The following CRNKL1 variants were observed in gnomAD, a reference collection of about 807,000 sequenced individuals.
The protein encoded by CRNKL1 is crooked neck-like protein 1.
CRNKL1 carries 35 observed loss-of-function variants against 103.7 expected under a neutral mutation model. The observed-to-expected ratio is 0.34, with a 90% CI of 0.26 to 0.45. The LOEUF is 0.45. CRNKL1 is among the 20% of genes least tolerant of loss of function. CRNKL1 has a pLI of 1.00. For missense variants in CRNKL1, 645 were observed against 836.0 expected (o/e 0.77, Z 2.82); for synonymous variants, 267 against 282.6 (o/e 0.94, Z 0.55).
At chr20:20,042,542 TAAAAAAC>T in intron 7 of CRNKL1, 26 bp from the exon 8 acceptor site, 1 of 1,579,674 alleles carries the variant, frequency 6.3e-7, no homozygotes, top group Non-Finnish European at 8.6e-7. Flanking sequence ...GTTTAATAAA[TAAAAAAC>T]AAAACCAAGA....
At chr20:20,052,710 G>T, upstream of CRNKL1, 3 of 1,609,562 alleles carry the variant, frequency 1.9e-6, no homozygotes, top group Non-Finnish European at 2.5e-6. Flanking sequence ...TGGCTCTGTC[G>T]AGCCGTGGCG....
rs201597770 is a variant in CRNKL1 at position 20,039,794 on chromosome 20, A to C, written c.1360T>G (p.Leu454Val). 5.6e-6 allele frequency: 9 copies of C among 1,613,992 alleles called. No homozygotes were observed. The highest frequency in any genetic ancestry group is 6.8e-6 in the Non-Finnish European group (8 of 1,179,986). Residue 454 changes from leucine (L) to valine (V), a missense_variant, in exon 11 of 14, where the codon TTG becomes GTG. Physicochemically the swap from Leu to Val is conservative, Grantham distance 32 (BLOSUM62 1). This residue lies in a region of CRNKL1 where 582 missense variants were observed against 707.7 expected (regional missense o/e 0.82). Transcript: ENST00000536226. ...TCAAATTCTCGAAGCTGTAGCTCCAATTCTATGTAAACTTTAAATAATTTG... is the reference window on the plus strand; with the variant it reads ...TCAAATTCTCGAAGCTGTAGCTCCACTTCTATGTAAACTTTAAATAATTTG... ...KNKLFKVYIE[L>V]ELQLREFDRC...
intron 5 of CRNKL1, among the ~76,000 whole-genome samples, chr20:20,047,315 A>G (rs952312250): frequency 1.5e-4 from 23 of 152,250 alleles, no homozygotes; most frequent in Admixed American, 5.9e-4. Context: ...CTTAAAATAT[A>G]CAGAATAACA....
At chr20:20,041,964 T>C (rs2043521410) in intron 8 of CRNKL1, among the ~76,000 whole-genome samples, 1 of 152,216 alleles carries the variant, frequency 6.6e-6, no homozygotes, top group Admixed American at 6.5e-5. Context: ...TGATTTTTGC[T>C]AAAAGCAAAA....
At chr20:20,044,344 C>T (rs10439581) in intron 6 of CRNKL1, among the ~76,000 whole-genome samples, 23,982 of 152,150 alleles carry the variant, frequency 0.16, 3,709 homozygotes, top group East Asian at 0.6. Context: ...TAGCATGGTC[C>T]GTGCAAGACC....
chr20:20,048,956 C>T lies in CRNKL1; in HGVS notation c.296+384G>A, dbSNP rs1410123466. On this transcript the variant is annotated intron_variant, in intron 3 of 13. Transcript: ENST00000536226. ...AGGCACAGTGGGGGAAGGAGGTATG[C>T]GGGGAGAATGCAGAAAGCTAGACCA... Among the ~76,000 whole-genome samples, 6 of 151,876 alleles carry T rather than the reference C, an allele frequency of 4.0e-5. No homozygotes were observed. The South Asian group carries it at 8.3e-4, about 21-fold the overall frequency.
intron 2 of CRNKL1, among the ~76,000 whole-genome samples, chr20:20,050,082 G>A (rs931112085): frequency 1.3e-5 from 2 of 152,214 alleles, no homozygotes; most frequent in African/African-American, 4.8e-5. Context: ...CTCCCAAAGT[G>A]TTGGGATTAC....
upstream of CRNKL1, chr20:20,052,495 G>A: frequency 1.2e-6 from 2 of 1,614,236 alleles, no homozygotes; most frequent in Non-Finnish European, 8.5e-7. Context: ...CCTCTCGCTT[G>A]AGCCGTGACG....
chr20:20,051,874 C>T (rs1396551946), intron 1 of CRNKL1, among the ~76,000 whole-genome samples: 1 of 152,200 alleles, frequency 6.6e-6, no homozygotes, highest in Non-Finnish European at 1.5e-5. Flanking sequence ...GCAAAATTTA[C>T]TTTCAGGACC....
chr20:20,051,218 T>C (rs1387105267), intron 1 of CRNKL1, among the ~76,000 whole-genome samples: 16 of 152,068 alleles, frequency 1.1e-4, no homozygotes, highest in Admixed American at 9.8e-4. Flanking sequence ...AAGTGTAAAA[T>C]ACACATTGGT....
intron 5 of CRNKL1, among the ~76,000 whole-genome samples, chr20:20,047,307 T>TA: frequency 6.6e-6 from 1 of 152,322 alleles, no homozygotes; most frequent in East Asian, 1.9e-4. Flanking sequence ...TATTATTCCT[T>TA]AAAATATACA....
In CRNKL1 at chr20:20,052,443, G is replaced by C. The variant is rs1057519885; in HGVS notation, c.-101C>G. ...CACAAAGCTTTCAGAAAACAAACAG[G>C]ATCTCGGAACCGGAAGCGGAACTTG... On this transcript the variant is annotated 5_prime_UTR_variant, in exon 1 of 14. The change creates a new upstream start codon in the 5' untranslated region. Coordinates refer to ENST00000536226, the MANE Select transcript of CRNKL1 (RefSeq NM_001278628.2). 1 of 1,614,234 alleles carries C rather than the reference G, an allele frequency of 6.2e-7. No homozygotes were observed. Among genetic ancestry groups the C allele is most frequent in the Non-Finnish European group, 8.5e-7 (1 of 1,180,046 alleles).
chr20:20,038,529 A>C (rs2043459759), intron 11 of CRNKL1, 79 bp from the exon 12 acceptor site: 1 of 746,136 alleles, frequency 1.3e-6, no homozygotes, highest in African/African-American at 1.8e-5. Context: ...CTGAAGTATC[A>C]CTCTAACCTA....
rs1568771038 is a variant in CRNKL1 at position 20,052,431 on chromosome 20, G to GA, written c.-90dup. On this transcript the variant is annotated 5_prime_UTR_variant, in exon 1 of 14. Coordinates refer to ENST00000536226, the MANE Select transcript of CRNKL1 (RefSeq NM_001278628.2). ...GCTCACCGAAACCACAAAGCTTTCA[G>GA]AAAACAAACAGGATCTCGGAACCGG... 1 of 1,614,224 alleles carries GA rather than the reference G, an allele frequency of 6.2e-7. No individual in the cohort carries two copies. Among genetic ancestry groups the GA allele is most frequent in the East Asian group, 2.2e-5 (1 of 44,876 alleles).
At chr20:20,049,270 CTTCTT>C in intron 3 of CRNKL1, 65 bp downstream of exon 3, 1 of 933,568 alleles carries the variant, frequency 1.1e-6, no homozygotes, top group Non-Finnish European at 1.6e-6. Flanking sequence ...TTAACTTTTT[CTTCTT>C]TTCTTTTTGG....
At chr20:20,050,438 T>G (rs937709809) in intron 2 of CRNKL1, 32 bp downstream of exon 2, 8 of 1,598,586 alleles carry the variant, frequency 5.0e-6, no homozygotes. Context: ...GTCTTAACAA[T>G]TAGTGGACTG....
chr20:20,052,719 C>T, upstream of CRNKL1: 2 of 1,607,408 alleles, frequency 1.2e-6, no homozygotes. Flanking sequence ...CGAGCCGTGG[C>T]GCCCTGCAAG....
intron 6 of CRNKL1, 26 bp downstream of exon 6, chr20:20,045,282 A>G: frequency 1.9e-6 from 3 of 1,561,446 alleles, no homozygotes; most frequent in Non-Finnish European, 2.6e-6. Context: ...GCTGTTTTAC[A>G]GTATAATGAA....
intron 6 of CRNKL1, among the ~76,000 whole-genome samples, chr20:20,044,534 A>G (rs73289669): frequency 6.6e-6 from 1 of 152,246 alleles, no homozygotes; most frequent in Non-Finnish European, 1.5e-5. Context: ...GTCAGCACTC[A>G]ACAAGTTTCA....
Sources: allele counts gnomAD v4.1 joint callset (sites outside exome capture counted in the v4.1 genomes callset), GRCh38; gene constraint gnomAD v4.1.1; regional missense constraint gnomAD v4.1.1; transcripts MANE v1.5; gene names NCBI Gene and HGNC (gene_info 2026-07-23, HGNC 2026-07-21).